The following PPP2R3A variants were observed in gnomAD, a reference collection of about 807,000 sequenced individuals.
PPP2R3A encodes protein phosphatase 2 regulatory subunit B''alpha, also known as serine/threonine-protein phosphatase 2A regulatory subunit B'' subunit alpha.
Under a neutral mutation model 106.9 loss-of-function variants are expected in PPP2R3A, and 80 were observed. The ratio of observed to expected loss-of-function variants is 0.75; its 90% CI spans 0.62 to 0.90. PPP2R3A has a LOEUF of 0.90. Among genes scored for constraint, PPP2R3A ranks in the 40% least tolerant of loss-of-function variants. The pLI is 0.00. For missense variants in PPP2R3A, 1,386 were observed against 1,350.4 expected, an observed-to-expected ratio of 1.03 and a Z score of -0.41; for synonymous variants, 483 against 468.3, an observed-to-expected ratio of 1.03 and a Z score of -0.41.
At chr3:136,088,421 CAT>C (rs1290334375) in intron 9 of PPP2R3A, among the ~76,000 whole-genome samples, 2 of 152,208 alleles carry the variant, frequency 1.3e-5, no homozygotes, top group African/African-American at 4.8e-5. Flanking sequence ...GCTGCAGGGA[CAT>C]GATTTCATAA....
intron 1 of PPP2R3A, among the ~76,000 whole-genome samples, chr3:135,969,588 G>A (rs975064400): frequency 6.6e-6 from 1 of 152,206 alleles, no homozygotes; most frequent in South Asian, 2.1e-4. Context: ...AGAGCCAAGA[G>A]CAGAGGGCTA....
intron 12 of PPP2R3A, among the ~76,000 whole-genome samples, chr3:136,104,790 C>T (rs1937474048): frequency 6.6e-6 from 1 of 152,042 alleles, no homozygotes; most frequent in Non-Finnish European, 1.5e-5. Context: ...TAACTCTAGA[C>T]CCTAGGGCAA....
At chr3:136,127,644 A>G (rs1938232781) in intron 13 of PPP2R3A, among the ~76,000 whole-genome samples, 1 of 152,172 alleles carries the variant, frequency 6.6e-6, no homozygotes, top group South Asian at 2.1e-4. Context: ...CAACATTCAA[A>G]TTCAGGAAAT....
chr3:136,007,014 C>T lies in PPP2R3A; in HGVS notation c.1995+3521C>T, dbSNP rs186304844. Among the ~76,000 whole-genome samples, 41 of 152,288 alleles carry T rather than the reference C, an allele frequency of 2.7e-4. No individual in the cohort carries two copies. The East Asian group carries it at 6.2e-3, about 23-fold the overall frequency. ...CCTTCAGGTGGTAACCTTTTCCCAT[C>T]GGTTTTCTGGAGTTTAAAGTCAGAA... is the stretch of plus-strand genomic sequence containing the variant. On this transcript the variant is annotated intron_variant, in intron 2 of 13. Transcript: ENST00000264977.
intron 13 of PPP2R3A, among the ~76,000 whole-genome samples, chr3:136,127,694 C>T (rs971687367): frequency 1.3e-5 from 2 of 152,022 alleles, no homozygotes; most frequent in Non-Finnish European, 1.5e-5. Context: ...GAAGAGCAAG[C>T]CCAAGACACA....
intron 1 of PPP2R3A, among the ~76,000 whole-genome samples, chr3:135,977,731 A>T (rs1209571803): frequency 8.8e-6 from 1 of 113,814 alleles, no homozygotes; most frequent in Non-Finnish European, 1.6e-5. Context: ...TAAGAGTCTC[A>T]CTGTGTTGCC....
intron 13 of PPP2R3A, among the ~76,000 whole-genome samples, chr3:136,128,515 A>T (rs1046911165): frequency 4.6e-5 from 7 of 152,220 alleles, no homozygotes; most frequent in Admixed American, 3.9e-4. Flanking sequence ...CCAGATTCAT[A>T]AAGCAAGTTC....
chr3:136,063,933 T>G (rs998749703), intron 5 of PPP2R3A, among the ~76,000 whole-genome samples: 4 of 149,932 alleles, frequency 2.7e-5, no homozygotes, highest in Admixed American at 6.6e-5. Flanking sequence ...ACCCAAAGGA[T>G]TATAAATCAT....
chr3:136,106,329 A>C lies in PPP2R3A; in HGVS notation c.3329+7A>C. 6.2e-7 allele frequency: 1 copy of C among 1,609,562 alleles called. No individual in the cohort carries two copies. Among genetic ancestry groups the C allele is most frequent in the Non-Finnish European group, 8.5e-7 (1 of 1,176,026 alleles). On this transcript the variant is annotated splice_region_variant and intron_variant, in intron 13 of 13. Coordinates refer to ENST00000264977, the MANE Select transcript of PPP2R3A (RefSeq NM_002718.5). ...AAGCACAATTCCAGGAAGGGTGAGT[A>C]AGTTTCCCTATGTCTTATAGAATTT...
chr3:136,019,260 A>G (rs1167926935), intron 2 of PPP2R3A, among the ~76,000 whole-genome samples: 2 of 152,204 alleles, frequency 1.3e-5, no homozygotes, highest in African/African-American at 4.8e-5. Context: ...TTATTCCAGA[A>G]AGACATTTGG....
intron 13 of PPP2R3A, among the ~76,000 whole-genome samples, chr3:136,109,702 G>A (rs1048476384): frequency 1.3e-5 from 2 of 152,134 alleles, no homozygotes; most frequent in Non-Finnish European, 2.9e-5. Context: ...CAGCATCTGA[G>A]TTAAACTGAA....
intron 10 of PPP2R3A, among the ~76,000 whole-genome samples, chr3:136,095,449 A>G (rs1937194055): frequency 6.6e-6 from 1 of 152,126 alleles, no homozygotes; most frequent in African/African-American, 2.4e-5. Flanking sequence ...CTATGAGTTG[A>G]GGTGTCAGTG....
In PPP2R3A at chr3:136,126,842, C is replaced by T. The variant is rs147732644; in HGVS notation, c.3330-18201C>T. Among the ~76,000 whole-genome samples the T allele has an allele frequency of 1.5e-4, 23 of 152,312 alleles. No individual in the cohort carries two copies. In the East Asian group the frequency reaches 4.2e-3, roughly 28 times the overall value. On this transcript the variant is annotated intron_variant, in intron 13 of 13. Coordinates refer to ENST00000264977, the MANE Select transcript of PPP2R3A (RefSeq NM_002718.5). The stretch of plus-strand genomic sequence containing the variant: ...CCAATCTGTAATATTTGCTGTTCTG[C>T]AGCCTCCGCTGGTGATACCCCGGCA...
chr3:136,020,529 C>T (rs1340091779), intron 2 of PPP2R3A, among the ~76,000 whole-genome samples: 1 of 152,036 alleles, frequency 6.6e-6, no homozygotes, highest in African/African-American at 2.4e-5. Context: ...CCCACCCTTA[C>T]CTAATTTTAC....
chr3:136,097,919 G>A (rs1049802964), intron 10 of PPP2R3A, among the ~76,000 whole-genome samples: 1 of 152,150 alleles, frequency 6.6e-6, no homozygotes. Context: ...CCACAATCAG[G>A]AATAGTTTGA....
intron 10 of PPP2R3A, among the ~76,000 whole-genome samples, chr3:136,099,898 A>G (rs1937315171): frequency 6.6e-6 from 1 of 151,228 alleles, no homozygotes; most frequent in African/African-American, 2.4e-5. Flanking sequence ...TGGGCTATGT[A>G]GATCTCAATA....
intron 7 of PPP2R3A, among the ~76,000 whole-genome samples, chr3:136,080,379 G>A (rs78853270): frequency 6.6e-6 from 1 of 152,156 alleles, no homozygotes; most frequent in Non-Finnish European, 1.5e-5. Context: ...ACCACTGGAG[G>A]GAAAATCCTG....
intron 5 of PPP2R3A, among the ~76,000 whole-genome samples, chr3:136,059,235 G>A (rs1323488940): frequency 6.6e-6 from 1 of 151,780 alleles, no homozygotes; most frequent in Non-Finnish European, 1.5e-5. Flanking sequence ...TACAAACTAT[G>A]CATCCAACAA....
At chr3:136,106,406 T>C in intron 13 of PPP2R3A, 84 bp downstream of exon 13, 1 of 1,182,908 alleles carries the variant, frequency 8.5e-7, no homozygotes, top group Non-Finnish European at 1.2e-6. Context: ...CAAAATCCTT[T>C]TCTGTTTTTT....
Sources: allele counts gnomAD v4.1 joint callset (sites outside exome capture counted in the v4.1 genomes callset), GRCh38; gene constraint gnomAD v4.1.1; transcripts MANE v1.5; gene names NCBI Gene and HGNC (gene_info 2026-07-23, HGNC 2026-07-21).